GREB1L: variants seen among roughly 807,000 people sequenced by gnomAD.
GREB1L encodes the protein GREB1 like retinoic acid receptor coactivator.
In GREB1L, 17 loss-of-function variants were observed where a neutral mutation model predicts 200.8. That is an observed-to-expected ratio of 0.08 (90% CI 0.06 to 0.13). GREB1L has a LOEUF of 0.13. Ranked by LOEUF, GREB1L falls within the 10% of genes least tolerant of loss-of-function variation. The pLI is 1.00. For missense variants in GREB1L, 1,657 were observed against 2,367.7 expected, an observed-to-expected ratio of 0.70 and a Z score of 6.23; for synonymous variants, 789 against 893.0, an observed-to-expected ratio of 0.88 and a Z score of 2.08.
chr18:21,459,688 TA>T (rs1431749391), intron 15 of GREB1L, among the ~76,000 whole-genome samples: 1 of 152,124 alleles, frequency 6.6e-6, no homozygotes, highest in South Asian at 2.1e-4. Context: ...AATAAAGACA[TA>T]TTTTTTTGGT....
chr18:21,425,031 CAT>C (rs143928066), intron 7 of GREB1L, among the ~76,000 whole-genome samples: 2,362 of 152,206 alleles, frequency 0.016, 65 homozygotes, highest in African/African-American at 0.053. Context: ...TATGGATAAA[CAT>C]ATGATACAAA....
intron 7 of GREB1L, among the ~76,000 whole-genome samples, chr18:21,407,968 G>A (rs1307836615): frequency 6.6e-6 from 1 of 152,102 alleles, no homozygotes; most frequent in Non-Finnish European, 1.5e-5. Context: ...GGCTGCAAAG[G>A]GTGAGGAGAT....
chr18:21,497,066 G>A (rs143755295), intron 21 of GREB1L, among the ~76,000 whole-genome samples: 22 of 152,250 alleles, frequency 1.4e-4, no homozygotes, highest in African/African-American at 5.3e-4. Flanking sequence ...CTGTATGTTT[G>A]TGCTAAATGG....
At chr18:21,363,552 C>G (rs1351845119) in intron 1 of GREB1L, 1 of 151,892 alleles carries the variant, frequency 6.6e-6, no homozygotes, top group East Asian at 1.9e-4. Flanking sequence ...TCTGGAGTTC[C>G]TGGAGGTGAT....
chr18:21,395,600 G>C (rs1300664897), intron 5 of GREB1L, 39 bp downstream of exon 5: 4 of 1,423,470 alleles, frequency 2.8e-6, no homozygotes, highest in Non-Finnish European at 3.8e-6. Flanking sequence ...TCCAATATGA[G>C]GGAGTTAAAA....
At position 21,315,056 on chromosome 18, in the gene GREB1L, T is replaced by G. The variant is rs2038846471; in HGVS notation, c.-119-50971T>G. On this transcript the variant is annotated intron_variant, in intron 1 of 32. Coordinates refer to ENST00000424526, the MANE Select transcript of GREB1L (RefSeq NM_001142966.3). ...AAGGATTACATTCAGTAAGATCTGC[T>G]TATAATCTATTAGTTTAAGGTATTT... Among the ~76,000 whole-genome samples, 3 of 152,220 alleles carry G rather than the reference T, an allele frequency of 2.0e-5. No homozygotes were observed. The South Asian group carries it at 6.2e-4, about 31-fold the overall frequency.
At chr18:21,496,723 T>TG in intron 21 of GREB1L, 25 bp downstream of exon 21, 2 of 1,547,984 alleles carry the variant, frequency 1.3e-6, no homozygotes, top group Non-Finnish European at 1.7e-6. Flanking sequence ...TTCTCTTTCA[T>TG]GGAGTGAGAG....
intron 19 of GREB1L, among the ~76,000 whole-genome samples, chr18:21,495,285 T>C (rs2036501439): frequency 5.3e-5 from 8 of 152,258 alleles, no homozygotes; most frequent in Admixed American, 5.2e-4. Flanking sequence ...TTTTTCAGTC[T>C]TCCAATCCCA....
At chr18:21,499,443 C>T (rs1001863586) in intron 21 of GREB1L, among the ~76,000 whole-genome samples, 1 of 152,112 alleles carries the variant, frequency 6.6e-6, no homozygotes, top group African/African-American at 2.4e-5. Flanking sequence ...AGCCGCAGCC[C>T]ACAGTAGAGA....
At chr18:21,472,117 A>G (rs147088781) in intron 15 of GREB1L, among the ~76,000 whole-genome samples, 1 of 152,354 alleles carries the variant, frequency 6.6e-6, no homozygotes, top group East Asian at 1.9e-4. Flanking sequence ...AGAATTTTTC[A>G]TATGGTAAAA....
intron 20 of GREB1L, among the ~76,000 whole-genome samples, 165 bp from the exon 21 acceptor site, chr18:21,496,289 T>A (rs2036541938): frequency 6.6e-6 from 1 of 152,142 alleles, no homozygotes; most frequent in Admixed American, 6.6e-5. Context: ...GAAGTGAAGG[T>A]CATAACAGCT....
At chr18:21,389,548 G>A (rs1413442278) in intron 4 of GREB1L, among the ~76,000 whole-genome samples, 1 of 152,020 alleles carries the variant, frequency 6.6e-6, no homozygotes, top group Non-Finnish European at 1.5e-5. Flanking sequence ...TGTGGATTGT[G>A]TAGTTTTCAT....
At chr18:21,434,695 C>T (rs1189357894) in intron 7 of GREB1L, among the ~76,000 whole-genome samples, 2 of 151,550 alleles carry the variant, frequency 1.3e-5, no homozygotes, top group Non-Finnish European at 2.9e-5. Flanking sequence ...CACTGTTACA[C>T]GAATTAACTG....
chr18:21,515,199 G>A (rs1020464372), intron 28 of GREB1L, among the ~76,000 whole-genome samples: 9 of 152,094 alleles, frequency 5.9e-5, no homozygotes, highest in Admixed American at 1.3e-4. Flanking sequence ...TTCTTTGCCC[G>A]AAAGTGATAA....
chr18:21,351,152 TG>T (rs1431440651), intron 1 of GREB1L, among the ~76,000 whole-genome samples: 2 of 152,226 alleles, frequency 1.3e-5, no homozygotes, highest in East Asian at 3.8e-4. Context: ...TTTTCCTTCT[TG>T]TCTCTTTCTC....
At chr18:21,300,223 G>A (rs537592237) in intron 1 of GREB1L, among the ~76,000 whole-genome samples, 26 of 152,254 alleles carry the variant, frequency 1.7e-4, no homozygotes, top group African/African-American at 6.0e-4. Context: ...CAGTTTATGG[G>A]GTACTTAGCC....
chr18:21,313,074 A>G (rs1344233390), intron 1 of GREB1L, among the ~76,000 whole-genome samples: 2 of 152,046 alleles, frequency 1.3e-5, no homozygotes, highest in East Asian at 3.9e-4. Flanking sequence ...AGTTTGCAAA[A>G]ATGGTCTCCC....
chr18:21,315,867 G>C (rs2038859826), intron 1 of GREB1L, among the ~76,000 whole-genome samples: 2 of 152,084 alleles, frequency 1.3e-5, no homozygotes, highest in Admixed American at 6.5e-5. Context: ...CCGCCTCCCA[G>C]CTCTGTTTCA....
At chr18:21,472,660 G>C (rs1311059652) in intron 15 of GREB1L, among the ~76,000 whole-genome samples, 1 of 152,020 alleles carries the variant, frequency 6.6e-6, no homozygotes, top group Non-Finnish European at 1.5e-5. Context: ...ATTTGGTCAA[G>C]AGCTGTAGCC....
Sources: gnomAD v4.1 joint callset for allele counts (sites outside exome capture counted in the v4.1 genomes callset) on GRCh38, gnomAD v4.1.1 for gene constraint, MANE v1.5 for transcripts, NCBI Gene and HGNC (gene_info 2026-07-23, HGNC 2026-07-21) for gene names.